The following SLC26A2 variants were observed in gnomAD, a reference collection of about 807,000 sequenced individuals.
The protein encoded by SLC26A2 is solute carrier family 26 member 2.
Under a neutral mutation model 41.1 loss-of-function variants are expected in SLC26A2, and 36 were observed. The observed-to-expected ratio is 0.88, with a 90% CI of 0.67 to 1.16. SLC26A2 has a LOEUF of 1.16. Among genes scored for constraint, SLC26A2 ranks in the 50% most tolerant of loss-of-function variants. SLC26A2 has a pLI of 0.00. For missense variants in SLC26A2, 796 were observed against 869.6 expected (o/e 0.92, Z 1.07); for synonymous variants, 291 against 311.6 (o/e 0.93, Z 0.70).
chr5:149,963,116 A>ATTTG (rs1754741530), intron 1 of SLC26A2, among the ~76,000 whole-genome samples: 5 of 150,982 alleles, frequency 3.3e-5, no homozygotes, highest in Non-Finnish European at 7.4e-5. Flanking sequence ...TTATTTATTT[A>ATTTG]TTTATTTTTT....
intron 1 of SLC26A2, among the ~76,000 whole-genome samples, chr5:149,963,954 A>G (rs1489937186): frequency 3.3e-5 from 5 of 152,062 alleles, no homozygotes; most frequent in African/African-American, 1.2e-4. Flanking sequence ...GCAATGAGCA[A>G]AGGCCCCAAG....
intron 2 of SLC26A2, among the ~76,000 whole-genome samples, chr5:149,978,886 A>T (rs140443295): frequency 4.2e-4 from 63 of 150,990 alleles, no homozygotes; most frequent in Non-Finnish European, 8.3e-4. Flanking sequence ...TTTATTTTTT[A>T]TTTTTATTTT....
Position 149,975,158 on chromosome 5 carries a change from G to A in SLC26A2, c.-25-2470G>A, listed in dbSNP as rs549780619. Among the ~76,000 whole-genome samples the A allele has an allele frequency of 1.4e-4, 22 of 152,046 alleles. No individual in the cohort carries two copies. The South Asian group carries it at 3.1e-3, about 22-fold the overall frequency. On this transcript the variant is annotated intron_variant, in intron 1 of 2. Transcript: ENST00000286298. ...TATTGGGGGTTTTTTGTTTTGTTTC[G>A]TTATTTAAACTTTTCTGCGTTTTAG...
At chr5:149,962,549 G>A (rs940590697) in intron 1 of SLC26A2, among the ~76,000 whole-genome samples, 2 of 152,136 alleles carry the variant, frequency 1.3e-5, no homozygotes, top group Non-Finnish European at 2.9e-5. Context: ...ATGTTGCCCA[G>A]TCAGGTTTCA....
In SLC26A2 at chr5:149,980,979, G is replaced by C; in HGVS notation, c.1386G>C (p.Leu462=). The change falls in exon 3 of 3, where the codon CTG becomes CTC. Residue 462 remains leucine (L), a synonymous_variant. Coordinates refer to ENST00000286298, the MANE Select transcript of SLC26A2 (RefSeq NM_000112.4). ...AGCTTTCTGGTGTGGTAACAGCCCT[G>C]GTTCTTTTGTTGGTCCTCCTAGTAA... ...HTQLSGVVTA[L]VLLLVLLVIA... 1.2e-6 allele frequency: 2 copies of C among 1,614,084 alleles called. No individual in the cohort carries two copies. Among genetic ancestry groups the C allele is most frequent in the Middle Eastern group, 1.6e-4 (1 of 6,062 alleles).
In SLC26A2 at chr5:149,981,361, A is replaced by G; in HGVS notation, c.1768A>G (p.Ile590Val). The G allele has an allele frequency of 6.2e-7, 1 of 1,614,132 alleles. No homozygotes were observed. The highest frequency in any genetic ancestry group is 8.5e-7 in the Non-Finnish European group (1 of 1,180,006). Residue 590 changes from isoleucine (I) to valine (V), a missense_variant, in exon 3 of 3, where the codon ATA becomes GTA. Physicochemically the swap from Ile to Val is conservative, Grantham distance 29. Transcript: ENST00000286298. ...IFRFVAPLYY[I>V]NKECFKSALY... The stretch of plus-strand genomic sequence containing the variant: ...CCGCTTTGTAGCCCCTCTCTACTAC[A>G]TAAACAAAGAATGCTTTAAATCTGC...
At chr5:149,980,216 C>T in intron 2 of SLC26A2, 77 bp from the exon 3 acceptor site, 1 of 1,144,056 alleles carries the variant, frequency 8.7e-7, no homozygotes, top group Non-Finnish European at 1.3e-6. Context: ...TGTCTCCATG[C>T]AAGAAATGTC....
rs1755089566 is a variant in SLC26A2, at chr5:149,981,041, T to C, written c.1448T>C (p.Leu483Pro). 2.5e-6 allele frequency: 4 copies of C among 1,614,062 alleles called. No individual in the cohort carries two copies. Among genetic ancestry groups the C allele is most frequent in the Middle Eastern group, 3.3e-4 (2 of 6,084 alleles). The part of the protein sequence containing the change: ...PLFYSLQKSV[L>P]GVITIVNLRG... ...TTCTATTCCCTTCAAAAAAGTGTCC[T>C]TGGTGTGATCACAATTGTAAATCTA... is the stretch of plus-strand genomic sequence containing the variant. The change falls in exon 3 of 3, where the codon CTT becomes CCT. Residue 483 changes from leucine to proline, a missense_variant. Coordinates refer to ENST00000286298, the MANE Select transcript of SLC26A2 (RefSeq NM_000112.4).
At chr5:149,973,100 C>G (rs977944154) in intron 1 of SLC26A2, among the ~76,000 whole-genome samples, 15 of 152,022 alleles carry the variant, frequency 9.9e-5, no homozygotes, top group Admixed American at 9.8e-4. Context: ...AGGAGGATCA[C>G]TTGAGCCCAG....
chr5:149,964,309 C>T (rs372279804), intron 1 of SLC26A2, among the ~76,000 whole-genome samples: 1 of 152,070 alleles, frequency 6.6e-6, no homozygotes, highest in East Asian at 1.9e-4. Context: ...CTGGACAACA[C>T]GGCGAAAACC....
At chr5:149,975,370 T>A (rs1754976192) in intron 1 of SLC26A2, among the ~76,000 whole-genome samples, 1 of 152,216 alleles carries the variant, frequency 6.6e-6, no homozygotes. Flanking sequence ...TGAATTTTTA[T>A]CTATATTCTT....
In SLC26A2 at chr5:149,982,610, C is replaced by T. The variant is rs935986842; in HGVS notation, c.*797C>T. 6.6e-6 allele frequency: 1 copy of T among 152,166 alleles called. No individual in the cohort carries two copies. Among genetic ancestry groups the T allele is most frequent in the Non-Finnish European group, 1.5e-5 (1 of 68,032 alleles). 9.4% of individuals were successfully genotyped at this position (152,166 alleles called of 1,614,324 possible). A position where few individuals can be genotyped will look rare whatever the true frequency, so the allele number is the denominator to read the frequency against. On this transcript the variant is annotated 3_prime_UTR_variant, in exon 3 of 3. Transcript: ENST00000286298. ...GTCCTTGTTTCTGAGACTTTCTCTA[C>T]CATTAAGCTCTATTTTAGCTTTCAG...
rs752482028 is a variant in SLC26A2 at position 149,981,739 on chromosome 5, A to G, written c.2146A>G (p.Met716Val). 1.2e-5 allele frequency: 19 copies of G among 1,611,412 alleles called. No homozygotes were observed. The African/African-American group carries it at 2.4e-4, about 20-fold the overall frequency. Residue 716 changes from methionine to valine, a missense_variant, in exon 3 of 3, where the codon ATG becomes GTG. Physicochemically the swap from Met to Val is conservative, Grantham distance 21. Coordinates refer to ENST00000286298, the MANE Select transcript of SLC26A2 (RefSeq NM_000112.4). Reference protein sequence around the residue: ...NLLFYSVYEAMAFAEVSKNQK... With the variant: ...NLLFYSVYEAVAFAEVSKNQK... ...TCTCTTCTATAGTGTGTATGAAGCG[A>G]TGGCTTTTGCAGAAGTATCTAAAAA...
At position 149,984,651 on chromosome 5, in the gene SLC26A2, A is replaced by C. The variant is rs893488972; in HGVS notation, c.*2838A>C. The C allele has an allele frequency of 2.0e-5, 3 of 152,188 alleles. No homozygotes were observed. Among genetic ancestry groups the C allele is most frequent in the Non-Finnish European group, 4.4e-5 (3 of 68,052 alleles). 9.4% of individuals were successfully genotyped at this position (152,188 alleles called of 1,614,324 possible). A position where few individuals can be genotyped will look rare whatever the true frequency, so the allele number is the denominator to read the frequency against. On this transcript the variant is annotated 3_prime_UTR_variant, in exon 3 of 3. Coordinates refer to ENST00000286298, the MANE Select transcript of SLC26A2 (RefSeq NM_000112.4). ...ACTCCAGCCTGGGTGACAGAGCGAGACTCCGTCTCAAACAAACAAACAAAA... is the reference window on the plus strand; with the variant it reads ...ACTCCAGCCTGGGTGACAGAGCGAGCCTCCGTCTCAAACAAACAAACAAAA...
In SLC26A2 at chr5:149,980,580, T is replaced by A. The variant is rs116302615; in HGVS notation, c.987T>A (p.Leu329=). The A allele has an allele frequency of 6.2e-7, 1 of 1,614,184 alleles. No homozygotes were observed. Among genetic ancestry groups the A allele is most frequent in the Non-Finnish European group, 8.5e-7 (1 of 1,180,026 alleles). The change falls in exon 3 of 3, where the codon CTT becomes CTA. Residue 329 remains leucine, a synonymous_variant. Coordinates refer to ENST00000286298, the MANE Select transcript of SLC26A2 (RefSeq NM_000112.4). ...TCAATGAACACTTCAAATCCAAGCT[T>A]AAGGCACCGATTCCTATTGAACTTG... ...KELNEHFKSK[L]KAPIPIELVV... is the part of the protein sequence containing the mutation.
At chr5:149,976,083 A>G (rs1385768421) in intron 1 of SLC26A2, among the ~76,000 whole-genome samples, 3 of 151,250 alleles carry the variant, frequency 2.0e-5, no homozygotes, top group Non-Finnish European at 4.4e-5. Flanking sequence ...GCTTGAACCC[A>G]GGAGGTGGAG....
At chr5:149,969,449 TA>T (rs968554300) in intron 1 of SLC26A2, among the ~76,000 whole-genome samples, 1 of 152,218 alleles carries the variant, frequency 6.6e-6, no homozygotes, top group African/African-American at 2.4e-5. Flanking sequence ...ATCTCAAATC[TA>T]AAAAACCCAA....
chr5:149,972,917 A>G (rs1393100415), intron 1 of SLC26A2, among the ~76,000 whole-genome samples: 3 of 151,918 alleles, frequency 2.0e-5, no homozygotes, highest in African/African-American at 7.3e-5. Context: ...TATCTCTACT[A>G]TTATTACTTA....
rs943514326 is a variant in SLC26A2, at chr5:149,985,739, T to C, written c.*3926T>C. On this transcript the variant is annotated 3_prime_UTR_variant, in exon 3 of 3. Coordinates refer to ENST00000286298, the MANE Select transcript of SLC26A2 (RefSeq NM_000112.4). The stretch of plus-strand genomic sequence containing the variant: ...GTTACAGATGAGCCATACGTTTCTT[T>C]GTATCAATGTAGACATGACTTCAGA... The C allele has an allele frequency of 6.6e-6, 1 of 152,222 alleles. No individual in the cohort carries two copies. The highest frequency in any genetic ancestry group is 2.4e-5 in the African/African-American group (1 of 41,466). The allele number at this position is 152,222 out of a possible 1,614,324, so 9.4% of individuals were successfully genotyped here. A position where few individuals can be genotyped will look rare whatever the true frequency, so the allele number is the denominator to read the frequency against.
Sources: gnomAD v4.1 joint callset for allele counts (sites outside exome capture counted in the v4.1 genomes callset) on GRCh38, gnomAD v4.1.1 for gene constraint, MANE v1.5 for transcripts, NCBI Gene and HGNC (gene_info 2026-07-23, HGNC 2026-07-21) for gene names.